Variants in ARID1B observed in about 807,000 individuals in gnomAD.
The protein encoded by ARID1B is AT-rich interaction domain 1B.
In ARID1B, 30 loss-of-function variants were observed where a neutral mutation model predicts 212.3. The observed-to-expected ratio is 0.14, with a 90% CI of 0.11 to 0.19. The LOEUF is 0.19. Among genes scored for constraint, ARID1B ranks in the 10% least tolerant of loss-of-function variants. The pLI, the probability that ARID1B is intolerant of heterozygous loss-of-function variation, is 1.00. For missense variants in ARID1B, 2,891 were observed against 3,204.0 expected, an observed-to-expected ratio of 0.90 and a Z score of 2.36; for synonymous variants, 1,402 against 1,301.7, an observed-to-expected ratio of 1.08 and a Z score of -1.66.
intron 1 of ARID1B, among the ~76,000 whole-genome samples, chr6:156,807,875 A>G (rs1041620294): frequency 3.9e-5 from 6 of 152,114 alleles, no homozygotes; most frequent in Admixed American, 3.3e-4. Flanking sequence ...TTAGAATGTC[A>G]CCCTCTTTTG....
At chr6:156,968,016 T>G (rs890215737) in intron 4 of ARID1B, among the ~76,000 whole-genome samples, 7 of 152,228 alleles carry the variant, frequency 4.6e-5, no homozygotes, top group Non-Finnish European at 8.8e-5. Flanking sequence ...AATGTCCTTT[T>G]CTCCTCTTAG....
rs1314019574 is a variant in ARID1B at position 157,098,606 on chromosome 6, C to T, written c.2492-11866C>T. ...TTCCCAAAGTTAGAAGTGGTTCCTG[C>T]TTTCAACCAAATCACATTTTTGGTC... is the stretch of plus-strand genomic sequence containing the variant. On this transcript the variant is annotated intron_variant, in intron 5 of 19. Transcript: ENST00000636930. Among the ~76,000 whole-genome samples the T allele has an allele frequency of 2.0e-5, 3 of 152,232 alleles. No homozygotes were observed. In the East Asian group the frequency reaches 5.8e-4, roughly 29 times the overall value.
intron 5 of ARID1B, among the ~76,000 whole-genome samples, chr6:157,092,185 T>C (rs150785912): frequency 5.2e-4 from 79 of 152,402 alleles, no homozygotes; most frequent in African/African-American, 1.9e-3. Flanking sequence ...TTGGATGTTA[T>C]ACAAAACTAT....
At chr6:156,977,027 A>C (rs1777292616) in intron 4 of ARID1B, 1 of 484,976 alleles carries the variant, frequency 2.1e-6, no homozygotes, top group Non-Finnish European at 4.0e-6. Context: ...ATAAGGAAGC[A>C]AGATGAAAAC....
chr6:156,941,097 C>A (rs1171987741), intron 4 of ARID1B: 1 of 152,174 alleles, frequency 6.6e-6, no homozygotes, highest in Non-Finnish European at 1.5e-5. Context: ...AAGGAAAACC[C>A]ATATCTGTCA....
intron 3 of ARID1B, among the ~76,000 whole-genome samples, chr6:156,932,746 A>G (rs1791850642): frequency 6.6e-6 from 1 of 152,200 alleles, no homozygotes; most frequent in African/African-American, 2.4e-5. Flanking sequence ...TTATAGTCCC[A>G]CTGTAAGTTA....
At chr6:156,857,779 A>G (rs1785052337) in intron 2 of ARID1B, among the ~76,000 whole-genome samples, 1 of 152,226 alleles carries the variant, frequency 6.6e-6, no homozygotes, top group African/African-American at 2.4e-5. Flanking sequence ...TGTGAACACC[A>G]TAGAGTGTAC....
intron 11 of ARID1B, among the ~76,000 whole-genome samples, chr6:157,180,267 G>T (rs1792408524): frequency 6.7e-6 from 1 of 150,258 alleles, no homozygotes; most frequent in African/African-American, 2.5e-5. Flanking sequence ...AAGAACTAGA[G>T]TATCAATATA....
chr6:156,896,600 A>AAAAAAAAAAAAAAAAG (rs1491291654), intron 2 of ARID1B, among the ~76,000 whole-genome samples: 1 of 146,324 alleles, frequency 6.8e-6, no homozygotes, highest in African/African-American at 2.6e-5. Flanking sequence ...AAAAAAAAAA[A>AAAAAAAAAAAAAAAAG]GAGGACACAG....
intron 4 of ARID1B, among the ~76,000 whole-genome samples, chr6:157,029,907 TG>T (rs1780919132): frequency 6.6e-6 from 1 of 152,300 alleles, no homozygotes; most frequent in South Asian, 2.1e-4. Context: ...AAGAAGCAAT[TG>T]GCTGCGTGGA....
At chr6:157,128,568 A>G (rs542950908) in intron 6 of ARID1B, among the ~76,000 whole-genome samples, 322 of 152,354 alleles carry the variant, frequency 2.1e-3, no homozygotes, top group Non-Finnish European at 3.3e-3. Context: ...TTACGGCAGT[A>G]TATGGTCTAT....
intron 8 of ARID1B, among the ~76,000 whole-genome samples, chr6:157,160,527 C>T (rs977517522): frequency 2.0e-5 from 3 of 152,216 alleles, no homozygotes; most frequent in Non-Finnish European, 2.9e-5. Context: ...GTAACAGCCT[C>T]GTAACGGTCA....
At chr6:157,019,729 G>A (rs1192655015) in intron 4 of ARID1B, among the ~76,000 whole-genome samples, 2 of 152,174 alleles carry the variant, frequency 1.3e-5, no homozygotes, top group Non-Finnish European at 2.9e-5. Context: ...TCACTCAACT[G>A]TCATCTAATT....
chr6:157,013,342 T>C (rs750702297), intron 4 of ARID1B, among the ~76,000 whole-genome samples: 18 of 152,210 alleles, frequency 1.2e-4, no homozygotes, highest in Non-Finnish European at 1.9e-4. Flanking sequence ...GCATGACATT[T>C]AGATCCAGGG....
intron 4 of ARID1B, among the ~76,000 whole-genome samples, chr6:157,078,275 C>T (rs562951761): frequency 1.3e-5 from 2 of 152,214 alleles, no homozygotes; most frequent in South Asian, 2.1e-4. Context: ...TCAGCATTCT[C>T]GTGGCCATAA....
intron 4 of ARID1B, among the ~76,000 whole-genome samples, chr6:157,042,581 A>G (rs1273280860): frequency 1.3e-5 from 2 of 152,142 alleles, no homozygotes; most frequent in African/African-American, 4.8e-5. Context: ...GTATTACTCT[A>G]AAAAAGAATG....
At chr6:156,892,791 G>A (rs1429327332) in intron 2 of ARID1B, among the ~76,000 whole-genome samples, 1 of 152,168 alleles carries the variant, frequency 6.6e-6, no homozygotes, top group Non-Finnish European at 1.5e-5. Context: ...TGTTGAGAAT[G>A]TATACATTTA....
chr6:157,077,658 C>T (rs997168561), intron 4 of ARID1B, among the ~76,000 whole-genome samples: 1 of 152,178 alleles, frequency 6.6e-6, no homozygotes, highest in Non-Finnish European at 1.5e-5. Flanking sequence ...GTCAGTCTGT[C>T]CTCTTAGCAC....
At chr6:156,834,956 C>G (rs759142618) in intron 2 of ARID1B, among the ~76,000 whole-genome samples, 23 of 152,038 alleles carry the variant, frequency 1.5e-4, no homozygotes, top group Admixed American at 2.0e-4. Context: ...ATTTTTGGGC[C>G]GGGCGCGGTG....
Sources: gnomAD v4.1 joint callset for allele counts (sites outside exome capture counted in the v4.1 genomes callset) on GRCh38, gnomAD v4.1.1 for gene constraint, MANE v1.5 for transcripts, NCBI Gene and HGNC (gene_info 2026-07-23, HGNC 2026-07-21) for gene names.